Variants in NKAIN3 observed in about 807,000 individuals in gnomAD.
NKAIN3 encodes sodium/potassium transporting ATPase interacting 3.
In NKAIN3, 25 loss-of-function variants were observed where a neutral mutation model predicts 30.2. The ratio of observed to expected loss-of-function variants is 0.83; its 90% CI spans 0.60 to 1.16. The LOEUF (loss-of-function observed/expected upper bound fraction) is 1.16, where lower values mean the gene tolerates loss of function less well. Among genes scored for constraint, NKAIN3 ranks in the 50% most tolerant of loss-of-function variants. NKAIN3 has a pLI of 0.00. For synonymous variants in NKAIN3, 91 were observed against 89.6 expected, an observed-to-expected ratio of 1.02 and a Z score of -0.09; for missense variants, 225 against 254.1, an observed-to-expected ratio of 0.89 and a Z score of 0.78.
chr8:62,784,698 T>C (rs898162988), intron 4 of NKAIN3, among the ~76,000 whole-genome samples: 11 of 152,160 alleles, frequency 7.2e-5, no homozygotes, highest in Non-Finnish European at 1.0e-4. Flanking sequence ...AATATTTTTA[T>C]ACCAATTCTT....
At position 62,304,265 on chromosome 8, in the gene NKAIN3, G is replaced by T. The variant is rs944704209; in HGVS notation, c.54+55138G>T. Among the ~76,000 whole-genome samples, 6 of 150,554 alleles carry T rather than the reference G, an allele frequency of 4.0e-5. No homozygotes were observed. The East Asian group carries it at 1.2e-3, about 29-fold the overall frequency. On this transcript the variant is annotated intron_variant, in intron 1 of 6. Transcript: ENST00000623646. The stretch of plus-strand genomic sequence containing the variant: ...CTCTCAGCCCCAATCTAAGCACAGA[G>T]AAATGTAGTATAGCTTGGTGCAAGT...
chr8:62,409,439 C>A (rs1804173436), intron 1 of NKAIN3, among the ~76,000 whole-genome samples: 1 of 152,164 alleles, frequency 6.6e-6, no homozygotes, highest in Non-Finnish European at 1.5e-5. Flanking sequence ...CCACCTTGGC[C>A]TCCCAAAGTG....
chr8:62,388,794 ATGCGTGCT>A (rs946983135), intron 1 of NKAIN3, among the ~76,000 whole-genome samples: 1 of 152,292 alleles, frequency 6.6e-6, no homozygotes, highest in African/African-American at 2.4e-5. Context: ...CCATTCTGCC[ATGCGTGCT>A]GTTGAGTGTA....
intron 4 of NKAIN3, among the ~76,000 whole-genome samples, chr8:62,817,985 G>T (rs1264628346): frequency 6.6e-6 from 1 of 151,998 alleles, no homozygotes; most frequent in African/African-American, 2.4e-5. Flanking sequence ...CTGTATATTT[G>T]AAGTAAAAGA....
chr8:62,664,275 A>G (rs1214438835), intron 3 of NKAIN3, among the ~76,000 whole-genome samples: 1 of 151,972 alleles, frequency 6.6e-6, no homozygotes, highest in Admixed American at 6.6e-5. Context: ...TTAATGAACA[A>G]ACTTCCCAAT....
intron 3 of NKAIN3, among the ~76,000 whole-genome samples, chr8:62,703,945 T>C (rs2130474963): frequency 6.6e-6 from 1 of 152,320 alleles, no homozygotes; most frequent in Admixed American, 6.5e-5. Context: ...TTGCTCTCTG[T>C]TCATATACTC....
At chr8:62,855,746 G>A in intron 4 of NKAIN3, 1 of 1,399,752 alleles carries the variant, frequency 7.1e-7, no homozygotes, top group Non-Finnish European at 1.0e-6. Context: ...CACCTGCTCT[G>A]GAGTTGCCAT....
intron 4 of NKAIN3, among the ~76,000 whole-genome samples, chr8:62,803,830 T>C (rs1035681350): frequency 2.6e-5 from 4 of 152,076 alleles, no homozygotes; most frequent in Non-Finnish European, 1.5e-5. Context: ...CAGGAGCTGG[T>C]TTTTTGAAAG....
rs145897543 is a variant in NKAIN3, at chr8:62,500,856, G to A, written c.55-78683G>A. 3.9e-3 allele frequency among the ~76,000 whole-genome samples: 600 copies of A among 152,058 alleles called. 5 individuals carry two copies. Among genetic ancestry groups the A allele is most frequent in the African/African-American group, 0.014 (580 of 41,482 alleles). On this transcript the variant is annotated intron_variant, in intron 1 of 6. Coordinates refer to ENST00000623646, the MANE Select transcript of NKAIN3 (RefSeq NM_001304533.3). ...CTATGGAGTCAAACTATATTCTCTT[G>A]CCACTCTCTATGTCTATGTGATGAT... is the stretch of plus-strand genomic sequence containing the variant.
At chr8:62,281,043 A>G (rs998500467) in intron 1 of NKAIN3, among the ~76,000 whole-genome samples, 4 of 152,142 alleles carry the variant, frequency 2.6e-5, no homozygotes, top group African/African-American at 9.7e-5. Flanking sequence ...TTGTTGCCTC[A>G]ATTTGAGAAC....
chr8:62,369,945 A>T (rs1816857059), intron 1 of NKAIN3, among the ~76,000 whole-genome samples: 1 of 152,068 alleles, frequency 6.6e-6, no homozygotes, highest in African/African-American at 2.4e-5. Flanking sequence ...AAGAACTTTG[A>T]GATTAATGCC....
chr8:62,682,493 G>A (rs1198898770), intron 3 of NKAIN3, among the ~76,000 whole-genome samples: 1 of 152,150 alleles, frequency 6.6e-6, no homozygotes, highest in Admixed American at 6.5e-5. Context: ...GTGGGGGAGG[G>A]GTTGAATACA....
intron 1 of NKAIN3, among the ~76,000 whole-genome samples, chr8:62,285,537 G>A (rs1318609227): frequency 6.6e-6 from 1 of 152,066 alleles, no homozygotes; most frequent in African/African-American, 2.4e-5. Context: ...TTCATTGTGT[G>A]TTCTGATCTC....
At chr8:62,524,426 A>T (rs1808240650) in intron 1 of NKAIN3, among the ~76,000 whole-genome samples, 1 of 152,088 alleles carries the variant, frequency 6.6e-6, no homozygotes, top group Non-Finnish European at 1.5e-5. Context: ...TTAGGGAGTA[A>T]CTCGACCAAA....
intron 1 of NKAIN3, among the ~76,000 whole-genome samples, chr8:62,554,978 G>C (rs376676500): frequency 6.8e-6 from 1 of 147,728 alleles, no homozygotes; most frequent in Non-Finnish European, 1.5e-5. Flanking sequence ...TGCCCTCCAG[G>C]TTCATCTATG....
At position 62,364,168 on chromosome 8, in the gene NKAIN3, A is replaced by G. The variant is rs145061189; in HGVS notation, c.54+115041A>G. ...AATGAGTGAATGAATGGTTTCCTGT[A>G]TGTGTTCTGTTGTAGGTCCATTAAA... On this transcript the variant is annotated intron_variant, in intron 1 of 6. Transcript: ENST00000623646. Among the ~76,000 whole-genome samples the G allele has an allele frequency of 3.1e-4, 47 of 152,284 alleles. No individual in the cohort carries two copies. The East Asian group carries it at 8.5e-3, about 28-fold the overall frequency.
At chr8:62,623,022 G>A (rs1811667345) in intron 3 of NKAIN3, among the ~76,000 whole-genome samples, 1 of 151,994 alleles carries the variant, frequency 6.6e-6, no homozygotes, top group Non-Finnish European at 1.5e-5. Flanking sequence ...GTGTGTGTGA[G>A]TCTGTGTGTG....
At chr8:62,379,313 T>C (rs999091468) in intron 1 of NKAIN3, among the ~76,000 whole-genome samples, 1 of 152,218 alleles carries the variant, frequency 6.6e-6, no homozygotes, top group African/African-American at 2.4e-5. Context: ...GATGAGACTT[T>C]GGACTTGGAA....
intron 1 of NKAIN3, among the ~76,000 whole-genome samples, chr8:62,252,446 A>G (rs1812138282): frequency 6.6e-6 from 1 of 152,218 alleles, no homozygotes; most frequent in African/African-American, 2.4e-5. Flanking sequence ...GAGAAAACAT[A>G]TCCTTTTCAA....
Sources: gnomAD v4.1 joint callset for allele counts (sites outside exome capture counted in the v4.1 genomes callset) on GRCh38, gnomAD v4.1.1 for gene constraint, MANE v1.5 for transcripts, NCBI Gene and HGNC (gene_info 2026-07-23, HGNC 2026-07-21) for gene names.